TTN: variants seen among roughly 807,000 people sequenced by gnomAD.
TTN encodes connectin.
Under a neutral mutation model 3,223.0 loss-of-function variants are expected in TTN, and 1,525 were observed. The observed-to-expected ratio is 0.47, with a 90% confidence interval of 0.45 to 0.49. The LOEUF is 0.49. Ranked by LOEUF, TTN falls within the 20% of genes least tolerant of loss-of-function variation. TTN has a pLI of 0.00. For missense variants in TTN, 40,786 were observed against 43,424.0 expected, an observed-to-expected ratio of 0.94 and a Z score of 5.40; for synonymous variants, 14,094 against 15,161.0, an observed-to-expected ratio of 0.93 and a Z score of 5.17.
chr2:178,672,148 A>G lies in TTN; in HGVS notation c.35050T>C (p.Phe11684Leu). 1 of 1,604,332 alleles carries G rather than the reference A, an allele frequency of 6.2e-7. No individual in the cohort carries two copies. Among genetic ancestry groups the G allele is most frequent in the Non-Finnish European group, 8.5e-7 (1 of 1,174,366 alleles). The change falls in exon 155 of 363, where the codon TTC (phenylalanine) becomes CTC (leucine). Residue 11684 changes from phenylalanine to leucine, a missense_variant. Coordinates refer to ENST00000589042, the MANE Select transcript of TTN (RefSeq NM_001267550.2). ...TCAAAATATTCTTCAACTTCATGGAACTCTTCTTCTTCCGGAATTTCTTCC... is the reference window on the plus strand; with the variant it reads ...TCAAAATATTCTTCAACTTCATGGAGCTCTTCTTCTTCCGGAATTTCTTCC... ...EVEEIPEEEE[F>L]HEVEEYFEEG... is the part of the protein sequence containing the mutation.
chr2:178,727,900 C>T, intron 67 of TTN, 37 bp from the exon 68 acceptor site: 1 of 1,509,718 alleles, frequency 6.6e-7, no homozygotes, highest in African/African-American at 1.4e-5. Context: ...AATTAAATTG[C>T]TTGCAGTTGA....
chr2:178,624,433 A>G, intron 242 of TTN, 32 bp downstream of exon 242: 1 of 1,607,942 alleles, frequency 6.2e-7, no homozygotes, highest in Non-Finnish European at 8.5e-7. Flanking sequence ...AAGAATTGCA[A>G]ATGAAAAGTC....
Position 178,553,307 on chromosome 2 carries a change from C to T in TTN, c.89593G>A (p.Gly29865Ser). The change falls in exon 335 of 363, where the codon GGC becomes AGC. Residue 29865 changes from glycine to serine, a missense_variant. Physicochemically the swap from Gly to Ser is moderately conservative, Grantham distance 56. Transcript: ENST00000589042. ...CATGTGACAGTAGGTGGAGGTCTGC[C>T]TTTAAAGGGAATCAACACTTGTACA... ...EDVQVLIPFKGRPPPTVTWRK... is the reference protein window; with the variant it reads ...EDVQVLIPFKSRPPPTVTWRK... 2 of 1,607,308 alleles carry T rather than the reference C, an allele frequency of 1.2e-6. No individual in the cohort carries two copies. Among genetic ancestry groups the T allele is most frequent in the South Asian group, 2.2e-5 (2 of 91,062 alleles).
At chr2:178,706,095 T>C (rs966141223) in intron 102 of TTN, among the ~76,000 whole-genome samples, 1 of 152,216 alleles carries the variant, frequency 6.6e-6, no homozygotes, top group Non-Finnish European at 1.5e-5. Context: ...AATCTTGAGA[T>C]GGATGGCCCA....
At position 178,526,785 on chromosome 2, in the gene TTN, C is replaced by T. The variant is rs878859053; in HGVS notation, c.*227G>A. On this transcript the variant is annotated 3_prime_UTR_variant, in exon 363 of 363. Coordinates refer to ENST00000589042, the MANE Select transcript of TTN (RefSeq NM_001267550.2). Reference sequence around the variant, plus strand: ...AATAAATGGTACAAAACTTTATAACCGTTAATCCGGCTATATACAGTATGT... The same window carrying T: ...AATAAATGGTACAAAACTTTATAACTGTTAATCCGGCTATATACAGTATGT... 16 of 383,124 alleles carry T rather than the reference C, an allele frequency of 4.2e-5. No homozygotes were observed. In the South Asian group the frequency reaches 9.0e-4, roughly 22 times the overall value. The allele number at this position is 383,124 out of a possible 1,614,324, so 23.7% of individuals were successfully genotyped here.
chr2:178,566,500 T>G lies in TTN; in HGVS notation c.79632A>C (p.Arg26544Ser), dbSNP rs1309466474. 6.2e-7 allele frequency: 1 copy of G among 1,613,520 alleles called. No homozygotes were observed. The highest frequency in any genetic ancestry group is 8.5e-7 in the Non-Finnish European group (1 of 1,179,684). ...WQIVTPQTGL[R>S]VTRFEISKLT... The stretch of plus-strand genomic sequence containing the variant: ...GTTTTGAAATTTCAAATCGAGTGAC[T>G]CTCAGGCCAGTCTGTGGAGTAACTA... Residue 26544 changes from arginine (R) to serine (S), a missense_variant, in exon 326 of 363, where the codon AGA (arginine) becomes AGC (serine). By Grantham distance (110) the Arg-to-Ser change is moderately radical. Coordinates refer to ENST00000589042, the MANE Select transcript of TTN (RefSeq NM_001267550.2).
At chr2:178,586,278 T>C (rs929996613) in intron 308 of TTN, among the ~76,000 whole-genome samples, 3 of 152,124 alleles carry the variant, frequency 2.0e-5, no homozygotes, top group African/African-American at 7.2e-5. Flanking sequence ...AGAATGCACA[T>C]GATAATAAAT....
In TTN at chr2:178,563,623, G is replaced by A; in HGVS notation, c.82509C>T (p.Gly27503=). The A allele has an allele frequency of 6.2e-7, 1 of 1,613,688 alleles. No homozygotes were observed. The highest frequency in any genetic ancestry group is 8.5e-7 in the Non-Finnish European group (1 of 1,179,738). ...PVDDGGTEIE[G]YILEKRDKEG... ...CCTTATCTCGTTTTTCAAGAATGTA[G>A]CCCTCAATTTCGGTACCTCCGTCGT... Residue 27503 remains glycine, a synonymous_variant, in exon 326 of 363, where the codon GGC becomes GGT. Transcript: ENST00000589042. The surrounding 1 kb of genome is among the most constrained non-coding windows in gnomAD (Gnocchi z 4.5).
intron 20 of TTN, among the ~76,000 whole-genome samples, chr2:178,781,789 A>G (rs573209045): frequency 1.3e-5 from 2 of 152,308 alleles, no homozygotes; most frequent in East Asian, 3.9e-4. Flanking sequence ...AAAAATTACT[A>G]GCATAGATTT....
intron 313 of TTN, 52 bp downstream of exon 313, chr2:178,582,888 C>T (rs2048104932): frequency 1.5e-6 from 2 of 1,364,148 alleles, no homozygotes; most frequent in Admixed American, 2.6e-5. Context: ...ATCCTATTTA[C>T]ATCCCATTAT....
At chr2:178,582,854 G>A in intron 313 of TTN, 86 bp downstream of exon 313, 4 of 1,169,248 alleles carry the variant, frequency 3.4e-6, no homozygotes, top group Non-Finnish European at 4.6e-6. Context: ...GAATATGAAT[G>A]TCTTCTCCCA....
In TTN at chr2:178,698,892, T is replaced by C. The variant is rs2074214448; in HGVS notation, c.30705A>G (p.Lys10235=). The C allele has an allele frequency of 6.5e-7, 1 of 1,537,078 alleles. No individual in the cohort carries two copies. Among genetic ancestry groups the C allele is most frequent in the Non-Finnish European group, 8.7e-7 (1 of 1,143,820 alleles). Residue 10235 remains lysine (K), a synonymous_variant, in exon 112 of 363, where the codon AAA becomes AAG. Coordinates refer to ENST00000589042, the MANE Select transcript of TTN (RefSeq NM_001267550.2). The stretch of plus-strand genomic sequence containing the variant: ...GCTTTGCAACAACTTTTTTGGCATC[T>C]TTCTTCACAGCCTTTTTGGTAACTA... ...RIEVTKKAVK[K]DAKKVVAKPK... is the part of the protein sequence containing the mutation.
Position 178,589,165 on chromosome 2 carries a change from C to T in TTN, c.62560G>A (p.Val20854Met), listed in dbSNP as rs746626221. The T allele has an allele frequency of 6.2e-7, 1 of 1,613,444 alleles. No individual in the cohort carries two copies. Among genetic ancestry groups the T allele is most frequent in the South Asian group, 1.1e-5 (1 of 91,066 alleles). ...VTATNTAGSF[V>M]AYATVNVLDK... is the part of the protein sequence containing the mutation. The stretch of plus-strand genomic sequence containing the variant: ...AAAACATTGACAGTGGCATAGGCCA[C>T]AAAACTGCCAGCCGTGTTAGTTGCC... The change falls in exon 304 of 363, where the codon GTG (valine) becomes ATG (methionine). Residue 20854 changes from valine to methionine, a missense_variant. Val to Met is a conservative substitution (Grantham distance 21). Coordinates refer to ENST00000589042, the MANE Select transcript of TTN (RefSeq NM_001267550.2).
At chr2:178,693,752 A>G (rs999429260) in intron 118 of TTN, 63 bp from the exon 119 acceptor site, 85 of 1,334,458 alleles carry the variant, frequency 6.4e-5, no homozygotes, top group Non-Finnish European at 8.2e-5. Flanking sequence ...TGTAATTTAC[A>G]AAGAACATTA....
chr2:178,727,484 G>A, intron 68 of TTN, 101 bp downstream of exon 68: 1 of 1,504,338 alleles, frequency 6.6e-7, no homozygotes, highest in Non-Finnish European at 8.9e-7. Context: ...TACTATGTTA[G>A]AAAGAATACT....
Position 178,688,741 on chromosome 2 carries a change from T to G in TTN, c.32133A>C (p.Arg10711Ser). ...VSKKTVVEEK[R>S]FVAEEKLSFA... ...AGGATAGTTTTTCTTCAGCAACAAATCTCTTTTCTTCTACAACAGTTTTCT... is the reference window on the plus strand; with the variant it reads ...AGGATAGTTTTTCTTCAGCAACAAAGCTCTTTTCTTCTACAACAGTTTTCT... Residue 10711 changes from arginine to serine, a missense_variant, in exon 126 of 363, where the codon AGA (arginine) becomes AGC (serine). Physicochemically the swap from Arg to Ser is moderately radical, Grantham distance 110. Transcript: ENST00000589042. 6.2e-7 allele frequency: 1 copy of G among 1,613,638 alleles called. No individual in the cohort carries two copies. Among genetic ancestry groups the G allele is most frequent in the Non-Finnish European group, 8.5e-7 (1 of 1,179,592 alleles).
chr2:178,800,696 A>G lies in TTN; in HGVS notation c.296-14T>C, dbSNP rs199951296. ...GTGCTGTCTCAGCTGCGGGGACAAG[A>G]GAACAAAGTCAAGAGTGAGAGCCAG... On this transcript the variant is annotated splice_polypyrimidine_tract_variant and intron_variant, in intron 3 of 362. Coordinates refer to ENST00000589042, the MANE Select transcript of TTN (RefSeq NM_001267550.2). 7.2e-4 allele frequency: 1,155 copies of G among 1,601,676 alleles called. 1 individual carries two copies. Among genetic ancestry groups the G allele is most frequent in the Middle Eastern group, 1.2e-3 (6 of 4,870 alleles).
chr2:178,649,697 A>T (rs2062610162), intron 211 of TTN, 66 bp from the exon 212 acceptor site: 2 of 1,535,004 alleles, frequency 1.3e-6, no homozygotes, highest in Admixed American at 3.7e-5. Flanking sequence ...ATACAAGTTT[A>T]TTCAACACTG....
At chr2:178,595,356 A>G in intron 295 of TTN, 151 bp downstream of exon 295, 2 of 711,358 alleles carry the variant, frequency 2.8e-6, no homozygotes, top group Non-Finnish European at 4.6e-6. Context: ...TCACTGTCCA[A>G]ATACTACCAA....
Sources: gnomAD v4.1 joint callset for allele counts (sites outside exome capture counted in the v4.1 genomes callset) on GRCh38, gnomAD v4.1.1 for gene constraint, Gnocchi (gnomAD v3.1) non-coding constraint, MANE v1.5 for transcripts, NCBI Gene and HGNC (gene_info 2026-07-23, HGNC 2026-07-21) for gene names.